Variants in HPS3 observed in about 807,000 individuals in gnomAD.
The protein encoded by HPS3 is BLOC-2 complex member HPS3.
In HPS3, 79 loss-of-function variants were observed where a neutral mutation model predicts 110.9. The ratio of observed to expected loss-of-function variants is 0.71; its 90% CI spans 0.59 to 0.86. The LOEUF (loss-of-function observed/expected upper bound fraction) is 0.86. Ranked by LOEUF, HPS3 falls within the 40% of genes least tolerant of loss-of-function variation. The pLI is 0.00. For missense variants in HPS3, 1,197 were observed against 1,206.2 expected (o/e 0.99, Z 0.11); for synonymous variants, 428 against 451.0 (o/e 0.95, Z 0.65).
At chr3:149,147,640 TTATTTA>T (rs1167759088) in intron 5 of HPS3, among the ~76,000 whole-genome samples, 1 of 152,222 alleles carries the variant, frequency 6.6e-6, no homozygotes, top group Admixed American at 6.5e-5. Context: ...CCCATCTCTC[TTATTTA>T]TAAGTTATGT....
chr3:149,140,951 T>C (rs1356170560), intron 2 of HPS3, 66 bp from the exon 3 acceptor site: 1 of 1,373,682 alleles, frequency 7.3e-7, no homozygotes, highest in Non-Finnish European at 1.0e-6. Flanking sequence ...TATGTCTAAT[T>C]GGTGAGAGGA....
intron 9 of HPS3, among the ~76,000 whole-genome samples, chr3:149,157,768 G>A (rs1380904101): frequency 6.6e-6 from 1 of 152,236 alleles, no homozygotes; most frequent in Non-Finnish European, 1.5e-5. Flanking sequence ...AAGATGAGCA[G>A]TAAGTCTCAA....
intron 1 of HPS3, among the ~76,000 whole-genome samples, chr3:149,130,706 G>C (rs1042273564): frequency 6.6e-6 from 1 of 152,170 alleles, no homozygotes; most frequent in African/African-American, 2.4e-5. Context: ...CTTGAACCGG[G>C]GAGGCGGAGA....
rs774985673 is a variant in HPS3, at chr3:149,145,470, T to C, written c.1087T>C (p.Leu363=). 15 of 1,614,008 alleles carry C rather than the reference T, an allele frequency of 9.3e-6. No homozygotes were observed. Among genetic ancestry groups the C allele is most frequent in the African/African-American group, 2.7e-5 (2 of 74,914 alleles). ...CTACATGGTTGTCAAATCTGTTGAATTGATGTCAGTCTACCAGTATCCTGA... is the reference window on the plus strand; with the variant it reads ...CTACATGGTTGTCAAATCTGTTGAACTGATGTCAGTCTACCAGTATCCTGA... ...YLYMVVKSVE[L]MSVYQYPEKS... is the part of the protein sequence containing the mutation. Residue 363 remains leucine, a synonymous_variant, in exon 5 of 17, where the codon TTG becomes CTG. Transcript: ENST00000296051.
chr3:149,130,255 A>C, intron 1 of HPS3: 1 of 457,856 alleles, frequency 2.2e-6, no homozygotes, highest in South Asian at 2.8e-5. Context: ...ACAACAAAAA[A>C]CTCTTTAGTG....
At chr3:149,169,535 C>T (rs950707128) in intron 16 of HPS3, among the ~76,000 whole-genome samples, 3 of 152,182 alleles carry the variant, frequency 2.0e-5, no homozygotes, top group African/African-American at 7.2e-5. Flanking sequence ...GGTAATTGTC[C>T]GTGTGCGTGG....
Position 149,140,571 on chromosome 3 carries a change from C to A in HPS3, c.712+73C>A. On this transcript the variant is annotated intron_variant, in intron 2 of 16. Coordinates refer to ENST00000296051, the MANE Select transcript of HPS3 (RefSeq NM_032383.5). ...CCTTCACCTTTGGCAGTCTGAAGGT[C>A]TGTGGTATATATGGTGCCCGGCCAT... 1 of 1,481,388 alleles carries A rather than the reference C, an allele frequency of 6.8e-7. No individual in the cohort carries two copies. The highest frequency in any genetic ancestry group is 9.4e-7 in the Non-Finnish European group (1 of 1,064,642). The allele number at this position is 1,481,388 out of a possible 1,614,324, so 91.8% of individuals were successfully genotyped here. A position where few individuals can be genotyped will look rare whatever the true frequency, so the allele number is the denominator to read the frequency against.
intron 1 of HPS3, among the ~76,000 whole-genome samples, chr3:149,131,133 A>ACG (rs895113108): frequency 1.3e-5 from 2 of 150,698 alleles, no homozygotes; most frequent in Admixed American, 6.6e-5. Context: ...AAAAAAAAAA[A>ACG]AAAAAAACAA....
chr3:149,157,419 C>A lies in HPS3; in HGVS notation c.1579C>A (p.Leu527Met). Residue 527 changes from leucine to methionine, a missense_variant, in exon 9 of 17, where the codon CTG becomes ATG. Leu to Met is a conservative substitution (Grantham distance 15). Transcript: ENST00000296051. ...SCIHLLSEAH[L>M]LVRAALMDAS... ...CATTCACCTTCTCAGTGAGGCTCAT[C>A]TGTTAGTGCGAGCTGCCCTGATGGA... The A allele has an allele frequency of 1.2e-6, 2 of 1,613,902 alleles. No homozygotes were observed. The highest frequency in any genetic ancestry group is 1.7e-6 in the Non-Finnish European group (2 of 1,179,882).
In HPS3 at chr3:149,145,378, A is replaced by C. The variant is rs778630258; in HGVS notation, c.995A>C (p.Asn332Thr). The stretch of plus-strand genomic sequence containing the variant: ...GGTTCTCTTACATCTGATGGAAAAA[A>C]TTTGTCTCAGGAAAAAGAATTGCTG... Reference protein sequence around the residue: ...QTGSLTSDGKNLSQEKELLSL... With the variant: ...QTGSLTSDGKTLSQEKELLSL... The change falls in exon 5 of 17, where the codon AAT becomes ACT. Residue 332 changes from asparagine (N) to threonine (T), a missense_variant. Coordinates refer to ENST00000296051, the MANE Select transcript of HPS3 (RefSeq NM_032383.5). 5 of 1,613,778 alleles carry C rather than the reference A, an allele frequency of 3.1e-6. No individual in the cohort carries two copies. The highest frequency in any genetic ancestry group is 2.5e-6 in the Non-Finnish European group (3 of 1,179,854).
chr3:149,169,094 C>G (rs1413514971), intron 16 of HPS3, among the ~76,000 whole-genome samples: 1 of 151,640 alleles, frequency 6.6e-6, no homozygotes, highest in Non-Finnish European at 1.5e-5. Flanking sequence ...TGTGATTTAC[C>G]TTTATTAGAC....
chr3:149,171,982 G>C (rs112203201), intron 16 of HPS3, 113 bp from the exon 17 acceptor site: 4 of 983,840 alleles, frequency 4.1e-6, no homozygotes, highest in African/African-American at 3.2e-5. Context: ...TGGGATTACA[G>C]GCGTGAGCCA....
chr3:149,142,322 T>C (rs530124023), intron 4 of HPS3, among the ~76,000 whole-genome samples: 14 of 152,342 alleles, frequency 9.2e-5, no homozygotes, highest in African/African-American at 3.1e-4. Flanking sequence ...TCTAGCTGGG[T>C]ATTTGGCCAA....
chr3:149,159,003 A>G (rs964211381), intron 10 of HPS3, among the ~76,000 whole-genome samples, 157 bp downstream of exon 10: 4 of 152,134 alleles, frequency 2.6e-5, no homozygotes, highest in African/African-American at 7.2e-5. Flanking sequence ...ATTAATGAAG[A>G]TAGAATTATA....
chr3:149,156,971 A>G (rs1160929520), intron 8 of HPS3, among the ~76,000 whole-genome samples: 1 of 152,216 alleles, frequency 6.6e-6, no homozygotes, highest in Non-Finnish European at 1.5e-5. Context: ...CTCAGTCTAA[A>G]TTTGAGAAAG....
Position 149,158,179 on chromosome 3 carries a change from C to T in HPS3, c.1692-487C>T, listed in dbSNP as rs143677370. The stretch of plus-strand genomic sequence containing the variant: ...TTTTTATTTTTGAGAGTAATGTTTA[C>T]AAATTTTTTTGCATATGATTGTTTT... On this transcript the variant is annotated intron_variant, in intron 9 of 16. Coordinates refer to ENST00000296051, the MANE Select transcript of HPS3 (RefSeq NM_032383.5). Among the ~76,000 whole-genome samples, 265 of 152,218 alleles carry T rather than the reference C, an allele frequency of 1.7e-3. 3 individuals are homozygous for T. The highest frequency in any genetic ancestry group is 5.7e-3 in the African/African-American group (238 of 41,532).
At chr3:149,155,080 A>G in intron 7 of HPS3, 27 bp from the exon 8 acceptor site, 1 of 1,138,450 alleles carries the variant, frequency 8.8e-7, no homozygotes, top group Non-Finnish European at 1.3e-6. Flanking sequence ...GTCATTTTAA[A>G]ATTCTTGTCC....
intron 11 of HPS3, among the ~76,000 whole-genome samples, chr3:149,160,830 A>G (rs1723755994): frequency 6.6e-6 from 1 of 152,260 alleles, no homozygotes; most frequent in African/African-American, 2.4e-5. Flanking sequence ...AGGTAGTGTA[A>G]TTGAACACTT....
At position 149,160,417 on chromosome 3, in the gene HPS3, G is replaced by A. The variant is rs1723715271; in HGVS notation, c.2106+138G>A. On this transcript the variant is annotated intron_variant, in intron 11 of 16. Coordinates refer to ENST00000296051, the MANE Select transcript of HPS3 (RefSeq NM_032383.5). Reference sequence around the variant, plus strand: ...AAACAGACAATATTAGAAACAAAGTGATCCAAATGGGACTTCGGATCTGGC... The same window carrying A: ...AAACAGACAATATTAGAAACAAAGTAATCCAAATGGGACTTCGGATCTGGC... 3 of 692,306 alleles carry A rather than the reference G, an allele frequency of 4.3e-6. No homozygotes were observed. The South Asian group carries it at 4.7e-5, about 11-fold the overall frequency. The allele number at this position is 692,306 out of a possible 1,614,324, so 42.9% of individuals were successfully genotyped here.
Sources: allele counts gnomAD v4.1 joint callset (sites outside exome capture counted in the v4.1 genomes callset), GRCh38; gene constraint gnomAD v4.1.1; transcripts MANE v1.5; gene names NCBI Gene and HGNC (gene_info 2026-07-23, HGNC 2026-07-21).